Variants in CTNNA3 observed in about 807,000 individuals in gnomAD.
CTNNA3 encodes catenin alpha 3, also known as catenin alpha-3.
Under a neutral mutation model 95.7 loss-of-function variants are expected in CTNNA3, and 76 were observed. The observed-to-expected ratio is 0.79, with a 90% CI of 0.66 to 0.96. CTNNA3 has a LOEUF of 0.96. Among genes scored for constraint, CTNNA3 ranks in the 40% least tolerant of loss-of-function variants. The pLI, the probability that CTNNA3 is intolerant of heterozygous loss-of-function variation, is 0.00. For missense variants in CTNNA3, 1,191 were observed against 1,089.8 expected (o/e 1.09, Z -1.31); for synonymous variants, 431 against 374.4 (o/e 1.15, Z -1.74).
At chr10:66,251,407 T>A (rs566264436) in intron 13 of CTNNA3, among the ~76,000 whole-genome samples, 1 of 152,204 alleles carries the variant, frequency 6.6e-6, no homozygotes, top group Non-Finnish European at 1.5e-5. Context: ...TAGGATGGAA[T>A]TTTAGTCATT....
Position 66,239,279 on chromosome 10 carries a change from AC to A in CTNNA3, c.1884+41190del, listed in dbSNP as rs561338496. 2.8e-3 allele frequency among the ~76,000 whole-genome samples: 418 copies of A among 151,908 alleles called. 1 individual carries two copies. The highest frequency in any genetic ancestry group is 0.01 in the Middle Eastern group (3 of 292). On this transcript the variant is annotated intron_variant, in intron 13 of 17. Coordinates refer to ENST00000433211, the MANE Select transcript of CTNNA3 (RefSeq NM_013266.4). Reference sequence around the variant, plus strand: ...TATAATTAATTAATTAAATTTAATTACATTTTATTTTAATTCTAAAATATAA... The same window carrying A: ...TATAATTAATTAATTAAATTTAATTAATTTTATTTTAATTCTAAAATATAA...
intron 1 of CTNNA3, among the ~76,000 whole-genome samples, chr10:67,747,534 C>T (rs1056335248): frequency 1.3e-5 from 2 of 152,118 alleles, no homozygotes; most frequent in African/African-American, 4.8e-5. Flanking sequence ...GAAGAGGGGC[C>T]TGTTAAAAGA....
chr10:67,729,335 A>G (rs544367865), intron 1 of CTNNA3, among the ~76,000 whole-genome samples: 7 of 152,162 alleles, frequency 4.6e-5, no homozygotes, highest in South Asian at 2.1e-4. Context: ...AGAAACATTT[A>G]TAGATCTATT....
At chr10:67,103,994 T>A (rs773113911) in intron 7 of CTNNA3, among the ~76,000 whole-genome samples, 17 of 151,704 alleles carry the variant, frequency 1.1e-4, no homozygotes, top group Non-Finnish European at 1.8e-4. Context: ...AAAACATAAA[T>A]ACCCTTGAAT....
intron 2 of CTNNA3, among the ~76,000 whole-genome samples, chr10:67,647,146 TTATATATA>T (rs67324505): frequency 0.022 from 2,975 of 136,478 alleles, 47 homozygotes; most frequent in Non-Finnish European, 0.03. Context: ...ACTCTGAAAA[TTATATATA>T]TATATATATA....
At chr10:67,173,327 T>A (rs1436666131) in intron 7 of CTNNA3, among the ~76,000 whole-genome samples, 1 of 152,180 alleles carries the variant, frequency 6.6e-6, no homozygotes, top group African/African-American at 2.4e-5. Flanking sequence ...GCTCCTGGGA[T>A]GATATGCCAT....
intron 12 of CTNNA3, among the ~76,000 whole-genome samples, chr10:66,331,678 A>C (rs541976509): frequency 2.5e-4 from 38 of 152,142 alleles, no homozygotes; most frequent in African/African-American, 9.2e-4. Context: ...TTTTGGTACC[A>C]GTACCATGCT....
At chr10:67,193,860 C>A (rs1390226653) in intron 6 of CTNNA3, among the ~76,000 whole-genome samples, 1 of 121,378 alleles carries the variant, frequency 8.2e-6, no homozygotes, top group Non-Finnish European at 1.5e-5. Flanking sequence ...AAATGAATTT[C>A]TGTTTTTTAG....
chr10:66,541,421 G>A (rs1033941756), intron 10 of CTNNA3, among the ~76,000 whole-genome samples: 2 of 152,026 alleles, frequency 1.3e-5, no homozygotes, highest in Non-Finnish European at 2.9e-5. Context: ...GTAAAGTCCT[G>A]ATTAGCCTTC....
intron 7 of CTNNA3, among the ~76,000 whole-genome samples, chr10:67,001,025 A>G (rs1851652984): frequency 6.6e-6 from 1 of 152,066 alleles, no homozygotes; most frequent in African/African-American, 2.4e-5. Context: ...TAAATAGGCC[A>G]GGTGCAGTGG....
At chr10:67,690,134 G>C (rs368214022) in intron 1 of CTNNA3, among the ~76,000 whole-genome samples, 2 of 152,116 alleles carry the variant, frequency 1.3e-5, no homozygotes, top group Admixed American at 1.3e-4. Flanking sequence ...CGGTGGGTTC[G>C]TGGTCTTGCT....
At chr10:67,354,270 AAAATAACCCT>A (rs1842734005) in intron 5 of CTNNA3, among the ~76,000 whole-genome samples, 1 of 152,020 alleles carries the variant, frequency 6.6e-6, no homozygotes. Context: ...TACATTCTCC[AAAATAACCCT>A]ACAAGGTTGC....
chr10:66,102,400 A>G (rs1240588898), intron 14 of CTNNA3, among the ~76,000 whole-genome samples: 1 of 152,178 alleles, frequency 6.6e-6, no homozygotes, highest in Admixed American at 6.5e-5. Flanking sequence ...TACTATTAGT[A>G]TCTCTGCTTT....
intron 5 of CTNNA3, among the ~76,000 whole-genome samples, chr10:67,513,349 G>C (rs569781691): frequency 1.3e-5 from 2 of 152,170 alleles, no homozygotes; most frequent in African/African-American, 2.4e-5. Flanking sequence ...CAATTGTGCT[G>C]CATCCTCATT....
intron 7 of CTNNA3, among the ~76,000 whole-genome samples, chr10:66,957,084 A>G (rs1458946163): frequency 1.3e-5 from 2 of 152,192 alleles, no homozygotes; most frequent in Non-Finnish European, 2.9e-5. Context: ...ACATGTATCT[A>G]TCACACATTT....
chr10:66,647,924 TAAAG>T (rs775526291), intron 9 of CTNNA3, among the ~76,000 whole-genome samples: 9 of 152,078 alleles, frequency 5.9e-5, no homozygotes, highest in Non-Finnish European at 1.2e-4. Context: ...AGAGCAAAAG[TAAAG>T]AGATAAACTG....
Position 66,441,737 on chromosome 10 carries a change from G to C in CTNNA3, c.1532-62385C>G, listed in dbSNP as rs147313169. 4.9e-3 allele frequency among the ~76,000 whole-genome samples: 749 copies of C among 152,302 alleles called. 6 individuals are homozygous for C. Among genetic ancestry groups the C allele is most frequent in the African/African-American group, 0.012 (500 of 41,556 alleles). On this transcript the variant is annotated intron_variant, in intron 11 of 17. Transcript: ENST00000433211. ...GAATATAAAAACACTGTGTGCAAAT[G>C]TTCAATATACATGTAGCTGGAAATA...
chr10:66,635,437 C>T (rs1313112114), intron 9 of CTNNA3, among the ~76,000 whole-genome samples: 1 of 152,074 alleles, frequency 6.6e-6, no homozygotes. Context: ...ATTGAAATTG[C>T]TGTCAAATTT....
At chr10:66,493,597 G>GTTTTTTTTTTTTT (rs1589329310) in intron 11 of CTNNA3, among the ~76,000 whole-genome samples, 5 of 119,560 alleles carry the variant, frequency 4.2e-5, no homozygotes, top group African/African-American at 1.7e-4. Context: ...TTTAACTACA[G>GTTTTTTTTTTTTT]TATTTTTTTT....
Sources: gnomAD v4.1 joint callset for allele counts (sites outside exome capture counted in the v4.1 genomes callset) on GRCh38, gnomAD v4.1.1 for gene constraint, MANE v1.5 for transcripts, NCBI Gene and HGNC (gene_info 2026-07-23, HGNC 2026-07-21) for gene names.